Variants in GJA10 observed in about 807,000 individuals in gnomAD.
GJA10 encodes gap junction alpha-10 protein.
For missense variants in GJA10, 685 were observed against 651.9 expected (o/e 1.05, Z -0.55); for synonymous variants, 239 against 233.0 (o/e 1.03, Z -0.23).
Position 89,894,771 on chromosome 6 carries a change from G to C in GJA10, c.303G>C (p.Arg101Ser). ...TGGGCCATGCACTTTATAGGCTCAG[G>C]GCCTTTGAGAAAGACAGGCAGAGGA... ...VYMGHALYRL[R>S]AFEKDRQRKK... Residue 101 changes from arginine (R) to serine (S), a missense_variant, in exon 1 of 1, where the codon AGG (arginine) becomes AGC (serine). By Grantham distance (110) the Arg-to-Ser change is moderately radical. Transcript: ENST00000369352. 6.2e-7 allele frequency: 1 copy of C among 1,614,146 alleles called. No homozygotes were observed. The highest frequency in any genetic ancestry group is 8.5e-7 in the Non-Finnish European group (1 of 1,180,040).
In GJA10 at chr6:89,895,101, C is replaced by A; in HGVS notation, c.633C>A (p.Phe211Leu). The part of the protein sequence containing the change: ...FVSRPTEKTI[F>L]MLFMHSIAAI... ...CCAGGCCCACTGAGAAGACAATTTTCATGCTTTTTATGCACAGCATTGCAG... is the reference window on the plus strand; with the variant it reads ...CCAGGCCCACTGAGAAGACAATTTTAATGCTTTTTATGCACAGCATTGCAG... The change falls in exon 1 of 1, where the codon TTC (phenylalanine) becomes TTA (leucine). Residue 211 changes from phenylalanine (F) to leucine (L), a missense_variant. Transcript: ENST00000369352. 6.2e-7 allele frequency: 1 copy of A among 1,614,160 alleles called. No homozygotes were observed. Among genetic ancestry groups the A allele is most frequent in the Non-Finnish European group, 8.5e-7 (1 of 1,180,044 alleles).
At position 89,895,045 on chromosome 6, in the gene GJA10, C is replaced by G; in HGVS notation, c.577C>G (p.Pro193Ala). The change falls in exon 1 of 1, where the codon CCT (proline) becomes GCT (alanine). Residue 193 changes from proline to alanine, a missense_variant. Transcript: ENST00000369352. ...CCCCCTTTACAAATGCACTCAACCT[C>G]CTTGCCCCAATGCGGTGGATTGCTT... ...MHPLYKCTQP[P>A]CPNAVDCFVS... 6.2e-7 allele frequency: 1 copy of G among 1,614,196 alleles called. No individual in the cohort carries two copies. Among genetic ancestry groups the G allele is most frequent in the Non-Finnish European group, 8.5e-7 (1 of 1,180,036 alleles).
In GJA10 at chr6:89,895,707, G is replaced by T; in HGVS notation, c.1239G>T (p.Met413Ile). Reference sequence around the variant, plus strand: ...ACTGCAGAGACAGTGAAGGCAGCATGAGAGAGAGTGGGGTCTGGATAGACA... The same window carrying T: ...ACTGCAGAGACAGTGAAGGCAGCATTAGAGAGAGTGGGGTCTGGATAGACA... ...HSHCRDSEGSMRESGVWIDRS... is the reference protein window; with the variant it reads ...HSHCRDSEGSIRESGVWIDRS... Residue 413 changes from methionine to isoleucine, a missense_variant, in exon 1 of 1, where the codon ATG (methionine) becomes ATT (isoleucine). Coordinates refer to ENST00000369352, the MANE Select transcript of GJA10 (RefSeq NM_032602.2). 1 of 1,614,204 alleles carries T rather than the reference G, an allele frequency of 6.2e-7. No homozygotes were observed. Among genetic ancestry groups the T allele is most frequent in the South Asian group, 1.1e-5 (1 of 91,082 alleles).
chr6:89,896,039 G>T lies in GJA10; in HGVS notation c.1571G>T (p.Gly524Val). Residue 524 changes from glycine to valine, a missense_variant, in exon 1 of 1, where the codon GGA becomes GTA. Transcript: ENST00000369352. ...GTTGACAGAGAGGCAGATGGAGGGG[G>T]AGATTATTTATGGAGAGATAAAATT... ...VCVDREADGG[G>V]DYLWRDKIIH... The T allele has an allele frequency of 6.2e-7, 1 of 1,609,654 alleles. No homozygotes were observed.
chr6:89,896,011 T>C lies in GJA10; in HGVS notation c.1543T>C (p.Cys515Arg). 1 of 1,613,504 alleles carries C rather than the reference T, an allele frequency of 6.2e-7. No homozygotes were observed. The highest frequency in any genetic ancestry group is 8.5e-7 in the Non-Finnish European group (1 of 1,179,458). Residue 515 changes from cysteine (C) to arginine (R), a missense_variant, in exon 1 of 1, where the codon TGT becomes CGT. Transcript: ENST00000369352. ...FFLPGVCMYV[C>R]VDREADGGGD... is the part of the protein sequence containing the mutation. ...TCTTCCTGGGGTGTGTATGTATGTT[T>C]GTGTTGACAGAGAGGCAGATGGAGG... is the stretch of plus-strand genomic sequence containing the variant.
chr6:89,895,867 C>G lies in GJA10; in HGVS notation c.1399C>G (p.Pro467Ala). 6.2e-7 allele frequency: 1 copy of G among 1,614,132 alleles called. No individual in the cohort carries two copies. Among genetic ancestry groups the G allele is most frequent in the East Asian group, 2.2e-5 (1 of 44,880 alleles). ...GGATTTTCCTCACTGGGAAAACAGC[C>G]CCTCACCTCTGCCTTCAGTCACTGG... ...CLDFPHWENS[P>A]SPLPSVTGHR... Residue 467 changes from proline to alanine, a missense_variant, in exon 1 of 1, where the codon CCC (proline) becomes GCC (alanine). By Grantham distance (27) the Pro-to-Ala change is conservative (BLOSUM62 -1). Coordinates refer to ENST00000369352, the MANE Select transcript of GJA10 (RefSeq NM_032602.2).
In GJA10 at chr6:89,896,000, G is replaced by A; in HGVS notation, c.1532G>A (p.Cys511Tyr). 1 of 1,614,020 alleles carries A rather than the reference G, an allele frequency of 6.2e-7. No homozygotes were observed. Among genetic ancestry groups the A allele is most frequent in the Non-Finnish European group, 8.5e-7 (1 of 1,179,938 alleles). ...TTTCCTTTCTTTCTTCCTGGGGTGT[G>A]TATGTATGTTTGTGTTGACAGAGAG... ...FLFPFFLPGV[C>Y]MYVCVDREAD... The change falls in exon 1 of 1, where the codon TGT becomes TAT. Residue 511 changes from cysteine (C) to tyrosine (Y), a missense_variant. By Grantham distance (194) the Cys-to-Tyr change is radical. Transcript: ENST00000369352.
chr6:89,896,044 T>G lies in GJA10; in HGVS notation c.1576T>G (p.Tyr526Asp), dbSNP rs766420182. ...CAGAGAGGCAGATGGAGGGGGAGAT[T>G]ATTTATGGAGAGATAAAATTATTCA... ...VDREADGGGDYLWRDKIIHSI... is the reference protein window; with the variant it reads ...VDREADGGGDDLWRDKIIHSI... The change falls in exon 1 of 1, where the codon TAT becomes GAT. Residue 526 changes from tyrosine to aspartate, a missense_variant. Tyr to Asp is a radical substitution (Grantham distance 160). Transcript: ENST00000369352. 4 of 1,609,154 alleles carry G rather than the reference T, an allele frequency of 2.5e-6. No homozygotes were observed.
At position 89,895,274 on chromosome 6, in the gene GJA10, A is replaced by G. The variant is rs760805794; in HGVS notation, c.806A>G (p.Gln269Arg). 1 of 1,614,178 alleles carries G rather than the reference A, an allele frequency of 6.2e-7. No individual in the cohort carries two copies. Among genetic ancestry groups the G allele is most frequent in the South Asian group, 1.1e-5 (1 of 91,090 alleles). Reference sequence around the variant, plus strand: ...TTGAAGAAATATTCTGTGGCCCAGCAGTGTATGATTTGCTCTTCATTGCCT... The same window carrying G: ...TTGAAGAAATATTCTGTGGCCCAGCGGTGTATGATTTGCTCTTCATTGCCT... ...FHLKKYSVAQ[Q>R]CMICSSLPER... Residue 269 changes from glutamine to arginine, a missense_variant, in exon 1 of 1, where the codon CAG (glutamine) becomes CGG (arginine). Coordinates refer to ENST00000369352, the MANE Select transcript of GJA10 (RefSeq NM_032602.2).
chr6:89,895,471 C>T lies in GJA10; in HGVS notation c.1003C>T (p.His335Tyr). ...TCAGCATAGCGGACAGCTCCATGTT[C>T]ACAGCCCGTGTCCCTGGGCTGGCAG... ...KDQHSGQLHV[H>Y]SPCPWAGSAG... Residue 335 changes from histidine to tyrosine, a missense_variant, in exon 1 of 1, where the codon CAC (histidine) becomes TAC (tyrosine). Transcript: ENST00000369352. 1.9e-6 allele frequency: 3 copies of T among 1,614,204 alleles called. No individual in the cohort carries two copies. The highest frequency in any genetic ancestry group is 1.7e-6 in the Non-Finnish European group (2 of 1,180,036).
rs1455515018 is a variant in GJA10 at position 89,894,672 on chromosome 6, T to G, written c.204T>G (p.Asp68Glu). 1 of 1,614,256 alleles carries G rather than the reference T, an allele frequency of 6.2e-7. No homozygotes were observed. The highest frequency in any genetic ancestry group is 8.5e-7 in the Non-Finnish European group (1 of 1,180,042). ...GTTGCAACAATATCTGTTATGATGA[T>G]GCATTCCCTATCTCTTTGATCAGGT... ...QPGCNNICYDDAFPISLIRFW... is the reference protein window; with the variant it reads ...QPGCNNICYDEAFPISLIRFW... Residue 68 changes from aspartate to glutamate, a missense_variant, in exon 1 of 1, where the codon GAT becomes GAG. Transcript: ENST00000369352.
rs745828726 is a variant in GJA10 at position 89,895,665 on chromosome 6, C to T, written c.1197C>T (p.Leu399=). 6.2e-7 allele frequency: 1 copy of T among 1,614,212 alleles called. No homozygotes were observed. Among genetic ancestry groups the T allele is most frequent in the Non-Finnish European group, 8.5e-7 (1 of 1,180,048 alleles). Residue 399 remains leucine, a synonymous_variant, in exon 1 of 1, where the codon CTC becomes CTT. Coordinates refer to ENST00000369352, the MANE Select transcript of GJA10 (RefSeq NM_032602.2). ...ACCCAGAACCCTCAGGTGAGCCTCT[C>T]ACAGATCTTCATAGTCACTGCAGAG... The part of the protein sequence containing the change: ...SQDPEPSGEP[L]TDLHSHCRDS...
In GJA10 at chr6:89,895,969, T is replaced by C. The variant is rs149637914; in HGVS notation, c.1501T>C (p.Phe501Leu). The C allele has an allele frequency of 3.7e-6, 6 of 1,614,100 alleles. No homozygotes were observed. The African/African-American group carries it at 6.7e-5, about 18-fold the overall frequency. ...LSQELFHSGC[F>L]LFPFFLPGVC... ...ACAAGAGCTGTTCCATTCTGGATGC[T>C]TTCTTTTTCCTTTCTTTCTTCCTGG... Residue 501 changes from phenylalanine to leucine, a missense_variant, in exon 1 of 1, where the codon TTT becomes CTT. By Grantham distance (22) the Phe-to-Leu change is conservative. Coordinates refer to ENST00000369352, the MANE Select transcript of GJA10 (RefSeq NM_032602.2).
At position 89,895,560 on chromosome 6, in the gene GJA10, G is replaced by A; in HGVS notation, c.1092G>A (p.Met364Ile). Reference sequence around the variant, plus strand: ...CCTCATTTGGCCTGCAGAATACAATGTCTCAGTCCTGGCTAGGTACAACTA... The same window carrying A: ...CCTCATTTGGCCTGCAGAATACAATATCTCAGTCCTGGCTAGGTACAACTA... ...DHSSFGLQNT[M>I]SQSWLGTTTA... is the part of the protein sequence containing the mutation. Residue 364 changes from methionine (M) to isoleucine (I), a missense_variant, in exon 1 of 1, where the codon ATG (methionine) becomes ATA (isoleucine). By Grantham distance (10) the Met-to-Ile change is conservative. Transcript: ENST00000369352. 1.2e-6 allele frequency: 2 copies of A among 1,614,162 alleles called. No homozygotes were observed. The highest frequency in any genetic ancestry group is 1.3e-5 in the African/African-American group (1 of 75,048).
chr6:89,895,452 T>TAG lies in GJA10; in HGVS notation c.985_986dup (p.Ser329ArgfsTer42). ...AGGACTGGTCTGAGAAGGATCAGCA[T>TAG]AGCGGACAGCTCCATGTTCACAGCC... is the stretch of plus-strand genomic sequence containing the variant. On this transcript the variant is annotated frameshift_variant, in exon 1 of 2. Transcript: ENST00000638915. LOFTEE classifies it high-confidence loss of function. The TAG allele has an allele frequency of 6.2e-7, 1 of 1,614,226 alleles. No homozygotes were observed. The highest frequency in any genetic ancestry group is 8.5e-7 in the Non-Finnish European group (1 of 1,180,036).
chr6:89,894,613 C>T lies in GJA10; in HGVS notation c.145C>T (p.Gln49Ter), dbSNP rs772721976. The change falls in exon 1 of 2, where the codon CAG (glutamine) becomes TAG (stop). Residue 49 changes from glutamine (Q) to a stop codon, truncating the protein, a stop_gained. Coordinates refer to the GJA10 transcript ENST00000638915. LOFTEE classifies it high-confidence loss of function. ...TGCTGAGGATGTCTGGGATGATGAA[C>T]AGTCAGCATTTGCCTGCAACACCCG... is the stretch of plus-strand genomic sequence containing the variant. 2.5e-5 allele frequency: 41 copies of T among 1,614,112 alleles called. No homozygotes were observed. Among genetic ancestry groups the T allele is most frequent in the Non-Finnish European group, 3.3e-5 (39 of 1,180,052 alleles).
In GJA10 at chr6:89,895,147, A is replaced by G; in HGVS notation, c.679A>G (p.Ile227Val). 3 of 1,614,036 alleles carry G rather than the reference A, an allele frequency of 1.9e-6. No homozygotes were observed. In the East Asian group the frequency reaches 6.7e-5, roughly 36 times the overall value. ...TGCAGCCATTTCCTTGTTACTCAAT[A>G]TACTGGAAATATTTCATCTAGGCAT... Reference protein sequence around the residue: ...SIAAISLLLNILEIFHLGIRK... With the variant: ...SIAAISLLLNVLEIFHLGIRK... Residue 227 changes from isoleucine (I) to valine (V), a missense_variant, in exon 1 of 1, where the codon ATA becomes GTA. Ile to Val is a conservative substitution (Grantham distance 29). Coordinates refer to ENST00000369352, the MANE Select transcript of GJA10 (RefSeq NM_032602.2).
In GJA10 at chr6:89,894,830, C is replaced by T; in HGVS notation, c.362C>T (p.Pro121Leu). The T allele has an allele frequency of 1.2e-5, 20 of 1,614,118 alleles. No individual in the cohort carries two copies. The highest frequency in any genetic ancestry group is 1.7e-5 in the Non-Finnish European group (20 of 1,180,034). Residue 121 changes from proline to leucine, a missense_variant, in exon 1 of 1, where the codon CCA (proline) becomes CTA (leucine). Pro to Leu is a moderately conservative substitution (Grantham distance 98). Transcript: ENST00000369352. ...CACCTTAGAGCCCAGATGGAGAATC[C>T]AGATCTTGACTTGGAGGAGCAGCAA... ...KSHLRAQMEN[P>L]DLDLEEQQRI...
chr6:89,894,686 C>T lies in GJA10; in HGVS notation c.218C>T (p.Ser73Phe). The change falls in exon 1 of 1, where the codon TCT becomes TTT. Residue 73 changes from serine (S) to phenylalanine (F), a missense_variant. Physicochemically the swap from Ser to Phe is radical, Grantham distance 155. Coordinates refer to ENST00000369352, the MANE Select transcript of GJA10 (RefSeq NM_032602.2). ...NICYDDAFPI[S>F]LIRFWVLQII... ...TGTTATGATGATGCATTCCCTATCT[C>T]TTTGATCAGGTTCTGGGTTTTACAG... 6.2e-7 allele frequency: 1 copy of T among 1,614,212 alleles called. No individual in the cohort carries two copies. The highest frequency in any genetic ancestry group is 8.5e-7 in the Non-Finnish European group (1 of 1,180,038).
Sources: allele counts gnomAD v4.1 joint callset, GRCh38; gene constraint gnomAD v4.1.1; transcripts MANE v1.5; gene names NCBI Gene and HGNC (gene_info 2026-07-23, HGNC 2026-07-21).